Variants in MSANTD2 observed in about 807,000 individuals in gnomAD.
MSANTD2 encodes myb/SANT-like DNA-binding domain-containing protein 2.
Under a neutral mutation model 52.6 loss-of-function variants are expected in MSANTD2, and 19 were observed. The ratio of observed to expected loss-of-function variants is 0.36; its 90% CI spans 0.25 to 0.53. The LOEUF (loss-of-function observed/expected upper bound fraction) is 0.53, where lower values mean the gene tolerates loss of function less well. Ranked by LOEUF, MSANTD2 falls within the 20% of genes least tolerant of loss-of-function variation. The pLI is 0.91. For synonymous variants in MSANTD2, 291 were observed against 289.7 expected (o/e 1.00, Z -0.04); for missense variants, 558 against 716.3 (o/e 0.78, Z 2.52).
intron 1 of MSANTD2, among the ~76,000 whole-genome samples, chr11:124,782,325 A>G (rs1945007686): frequency 6.6e-6 from 1 of 151,526 alleles, no homozygotes; most frequent in African/African-American, 2.4e-5. Context: ...GGTGGTGTGC[A>G]CCTGCAGTCT....
intron 1 of MSANTD2, among the ~76,000 whole-genome samples, chr11:124,785,855 C>T (rs1783887): frequency 0.47 from 71,520 of 151,016 alleles, 18,849 homozygotes; most frequent in African/African-American, 0.72. Context: ...AAATTATTAA[C>T]AAGGCAGAGA....
intron 3 of MSANTD2, among the ~76,000 whole-genome samples, chr11:124,769,398 T>C (rs1020369857): frequency 1.3e-5 from 2 of 152,220 alleles, no homozygotes; most frequent in Non-Finnish European, 2.9e-5. Context: ...AGGGAATTAT[T>C]CCTCTTCTCA....
intron 1 of MSANTD2, chr11:124,789,309 A>G (rs1249583916): frequency 6.6e-6 from 1 of 152,210 alleles, no homozygotes; most frequent in African/African-American, 2.4e-5. Context: ...GTTTATTTGA[A>G]TCAAGTAATC....
intron 1 of MSANTD2, chr11:124,791,759 A>G (rs1242633162): frequency 1.5e-6 from 1 of 656,270 alleles, no homozygotes; most frequent in Non-Finnish European, 2.7e-6. Context: ...CAATGCTGAC[A>G]AGCACTGGGG....
At position 124,799,927 on chromosome 11, in the gene MSANTD2, C is replaced by A; in HGVS notation, c.454G>T (p.Ala152Ser). The A allele has an allele frequency of 1.3e-6, 2 of 1,585,542 alleles. No homozygotes were observed. The highest frequency in any genetic ancestry group is 1.1e-5 in the South Asian group (1 of 89,122). Residue 152 changes from alanine to serine, a missense_variant, in exon 1 of 4, where the codon GCC becomes TCC. Around this residue, in one of 2 missense-constraint regions of MSANTD2, gnomAD observed 408 missense variants for 573.6 expected, o/e 0.71. Coordinates refer to ENST00000374979, the MANE Select transcript of MSANTD2 (RefSeq NM_001308027.2). Reference protein sequence around the residue: ...GPAMYERVSRALAELGYERTP... With the variant: ...GPAMYERVSRSLAELGYERTP... ...CGCTCGTAGCCCAGCTCGGCCAGGG[C>A]CCGGGACACGCGCTCGTACATGGCT...
intron 1 of MSANTD2, among the ~76,000 whole-genome samples, chr11:124,781,085 A>C (rs529065137): frequency 1.3e-5 from 2 of 151,484 alleles, no homozygotes; most frequent in South Asian, 4.2e-4. Context: ...CGGGAAGCTG[A>C]GGCAGGAGAA....
intron 1 of MSANTD2, among the ~76,000 whole-genome samples, chr11:124,787,232 C>A (rs189070717): frequency 1.3e-5 from 2 of 152,108 alleles, no homozygotes; most frequent in Non-Finnish European, 2.9e-5. Flanking sequence ...TGTGGTATCA[C>A]GAGGCGCAAC....
At chr11:124,780,204 C>T (rs1408736515) in intron 1 of MSANTD2, among the ~76,000 whole-genome samples, 2 of 152,122 alleles carry the variant, frequency 1.3e-5, no homozygotes, top group African/African-American at 4.8e-5. Context: ...AAGAATCTAG[C>T]ATAAATTTCT....
intron 1 of MSANTD2, among the ~76,000 whole-genome samples, chr11:124,778,788 C>T (rs1188604009): frequency 6.6e-6 from 1 of 151,720 alleles, no homozygotes; most frequent in Non-Finnish European, 1.5e-5. Flanking sequence ...GAAAGTTTTG[C>T]CAAAGTTTAA....
At chr11:124,769,482 T>C (rs937500306) in intron 3 of MSANTD2, among the ~76,000 whole-genome samples, 1 of 152,224 alleles carries the variant, frequency 6.6e-6, no homozygotes, top group African/African-American at 2.4e-5. Flanking sequence ...ATAGACCATA[T>C]TTCTGCATAG....
At chr11:124,788,962 T>A (rs985295414) in intron 1 of MSANTD2, among the ~76,000 whole-genome samples, 1 of 152,230 alleles carries the variant, frequency 6.6e-6, no homozygotes, top group Non-Finnish European at 1.5e-5. Context: ...TATCACATTA[T>A]TTTCTACCAA....
intron 1 of MSANTD2, chr11:124,791,348 C>T: frequency 2.9e-6 from 4 of 1,395,856 alleles, no homozygotes; most frequent in South Asian, 1.2e-5. Flanking sequence ...ACAGCTGCTC[C>T]GTGAATGTGC....
chr11:124,777,201 G>A (rs1449092827), intron 1 of MSANTD2, among the ~76,000 whole-genome samples: 1 of 152,066 alleles, frequency 6.6e-6, no homozygotes, highest in Non-Finnish European at 1.5e-5. Flanking sequence ...CTCCTCCAAG[G>A]ACCGTAAATG....
intron 1 of MSANTD2, among the ~76,000 whole-genome samples, chr11:124,788,179 G>C (rs1411000089): frequency 6.6e-6 from 1 of 152,050 alleles, no homozygotes; most frequent in Non-Finnish European, 1.5e-5. Context: ...AACCAATGGG[G>C]AAAAAGGAAT....
intron 1 of MSANTD2, among the ~76,000 whole-genome samples, chr11:124,776,612 T>C (rs1790613890): frequency 6.6e-6 from 1 of 152,252 alleles, no homozygotes; most frequent in Non-Finnish European, 1.5e-5. Context: ...GTTCAGTATC[T>C]TTAAATCACA....
rs539519376 is a variant in MSANTD2, at chr11:124,795,124, C to T, written c.510+4747G>A. On this transcript the variant is annotated intron_variant, in intron 1 of 3. Coordinates refer to ENST00000374979, the MANE Select transcript of MSANTD2 (RefSeq NM_001308027.2). ...CAACTCCTGAGCTCACGTGATATGC[C>T]CGCCTCAGCCTCCCAAAGTATTGCG... Among the ~76,000 whole-genome samples the T allele has an allele frequency of 1.5e-4, 23 of 152,288 alleles. No individual in the cohort carries two copies. In the South Asian group the frequency reaches 3.7e-3, roughly 25 times the overall value.
At chr11:124,798,769 T>C (rs1167890030) in intron 1 of MSANTD2, among the ~76,000 whole-genome samples, 1 of 152,180 alleles carries the variant, frequency 6.6e-6, no homozygotes, top group Admixed American at 6.5e-5. Context: ...TATTTTATAA[T>C]TGTTCTTGGT....
intron 1 of MSANTD2, 57 bp from the exon 2 acceptor site, chr11:124,775,031 G>A (rs1944685440): frequency 8.2e-6 from 12 of 1,458,208 alleles, no homozygotes; most frequent in African/African-American, 7.0e-5. Context: ...TTCCAGGTAC[G>A]GACCACAGAT....
chr11:124,772,883 C>T lies in MSANTD2; in HGVS notation c.827+111G>A, dbSNP rs1944589472. 4.2e-6 allele frequency: 3 copies of T among 716,144 alleles called. No homozygotes were observed. The Admixed American group carries it at 7.1e-5, about 17-fold the overall frequency. 44.4% of individuals were successfully genotyped at this position (716,144 alleles called of 1,614,324 possible). On this transcript the variant is annotated intron_variant, in intron 3 of 3. Coordinates refer to ENST00000374979, the MANE Select transcript of MSANTD2 (RefSeq NM_001308027.2). ...ATCTAAAGAATGAATAGACATGCCT[C>T]CTTGGTGAATGGCCGGAACTTTCAT...
Sources: allele counts gnomAD v4.1 joint callset (sites outside exome capture counted in the v4.1 genomes callset), GRCh38; gene constraint gnomAD v4.1.1; regional missense constraint gnomAD v4.1.1; transcripts MANE v1.5; gene names NCBI Gene and HGNC (gene_info 2026-07-23, HGNC 2026-07-21).